DSC2: variants seen among roughly 807,000 people sequenced by gnomAD.
The protein encoded by DSC2 is desmocollin 2.
Under a neutral mutation model 87.6 loss-of-function variants are expected in DSC2, and 51 were observed. The observed-to-expected ratio is 0.58, with a 90% confidence interval of 0.46 to 0.74. The LOEUF (loss-of-function observed/expected upper bound fraction) is 0.74, where lower values mean the gene tolerates loss of function less well. DSC2 is among the 30% of genes least tolerant of loss of function. The probability of loss-of-function intolerance (pLI) is 0.00; values close to 1 mark genes in which losing one functional copy is unlikely to be tolerated. For missense variants in DSC2, 1,066 were observed against 1,089.5 expected, an observed-to-expected ratio of 0.98 and a Z score of 0.30; for synonymous variants, 383 against 393.2, an observed-to-expected ratio of 0.97 and a Z score of 0.31.
intron 9 of DSC2, among the ~76,000 whole-genome samples, chr18:31,081,797 T>C (rs577612513): frequency 1.3e-5 from 2 of 152,286 alleles, no homozygotes; most frequent in South Asian, 4.1e-4. Flanking sequence ...TGAACCTGGA[T>C]GCTAAGGATG....
chr18:31,101,644 C>T (rs963815988), intron 1 of DSC2: 1 of 459,258 alleles, frequency 2.2e-6, no homozygotes, highest in Non-Finnish European at 3.8e-6. Flanking sequence ...GCGAAAGCGG[C>T]CCGCTCCCGC....
Position 31,060,909 on chromosome 18 carries a change from T to C in DSC2, c.*7106A>G, listed in dbSNP as rs1348793059. On this transcript the variant is annotated 3_prime_UTR_variant, in exon 16 of 16. Transcript: ENST00000280904. ...TCAACTCTTTGGTACATTTCTAGCATTTTGCTTAATATGTTTTATATGAAA... is the reference window on the plus strand; with the variant it reads ...TCAACTCTTTGGTACATTTCTAGCACTTTGCTTAATATGTTTTATATGAAA... The C allele has an allele frequency of 1.3e-5, 2 of 152,206 alleles. No individual in the cohort carries two copies. The highest frequency in any genetic ancestry group is 1.9e-4 in the East Asian group (1 of 5,194). The allele number at this position is 152,206 out of a possible 1,614,324, so 9.4% of individuals were successfully genotyped here. A position where few individuals can be genotyped will look rare whatever the true frequency, so the allele number is the denominator to read the frequency against.
At chr18:31,071,905 T>C in intron 12 of DSC2, 64 bp from the exon 13 acceptor site, 2 of 1,371,726 alleles carry the variant, frequency 1.5e-6, no homozygotes, top group Non-Finnish European at 2.1e-6. Flanking sequence ...TGAACATAAA[T>C]AACTCATTAT....
At chr18:31,070,251 C>T (rs1032130725) in intron 14 of DSC2, among the ~76,000 whole-genome samples, 2 of 152,132 alleles carry the variant, frequency 1.3e-5, no homozygotes, top group African/African-American at 4.8e-5. Flanking sequence ...GCTAGCATTG[C>T]TATTTCATAT....
Position 31,068,227 on chromosome 18 carries a change from A to T in DSC2, c.2509-15T>A, listed in dbSNP as rs2144781524. On this transcript the variant is annotated splice_polypyrimidine_tract_variant and intron_variant, in intron 15 of 15. Transcript: ENST00000280904. ...AGATACACTTTCTGCCAAGGGGAAAAACACAACGTTTTTATTATTATTATT... is the reference window on the plus strand; with the variant it reads ...AGATACACTTTCTGCCAAGGGGAAATACACAACGTTTTTATTATTATTATT... 6.2e-7 allele frequency: 1 copy of T among 1,613,940 alleles called. No individual in the cohort carries two copies. Among genetic ancestry groups the T allele is most frequent in the Non-Finnish European group, 8.5e-7 (1 of 1,179,912 alleles).
Position 31,102,038 on chromosome 18 carries a change from G to A in DSC2, c.-67C>T. 2 of 1,319,598 alleles carry A rather than the reference G, an allele frequency of 1.5e-6. No individual in the cohort carries two copies. Among genetic ancestry groups the A allele is most frequent in the South Asian group, 1.7e-5 (1 of 58,354 alleles). The allele number at this position is 1,319,598 out of a possible 1,614,324, so 81.7% of individuals were successfully genotyped here. ...GGGTAGGAGGGCTCCGCGGGGCGAG[G>A]GCCGCGGCCGGAGCGCAGTCTGGGC... On this transcript the variant is annotated 5_prime_UTR_variant, in exon 1 of 16. Coordinates refer to ENST00000280904, the MANE Select transcript of DSC2 (RefSeq NM_024422.6).
chr18:31,093,569 A>C lies in DSC2; in HGVS notation c.144T>G (p.Leu48=), dbSNP rs1598592489. The C allele has an allele frequency of 1.2e-6, 2 of 1,605,334 alleles. No homozygotes were observed. The highest frequency in any genetic ancestry group is 1.7e-6 in the Non-Finnish European group (2 of 1,174,370). The change falls in exon 2 of 16, where the codon CTT becomes CTG. Residue 48 remains leucine, a synonymous_variant. Coordinates refer to ENST00000280904, the MANE Select transcript of DSC2 (RefSeq NM_024422.6). ...TTAGGGCTTCCTTACCTCTACCAAC[A>C]AGTTTCTCGGCATCTAGTTTGGAGG... is the stretch of plus-strand genomic sequence containing the variant. ...HVPSKLDAEK[L]VGRVNLKECF...
chr18:31,094,243 C>T (rs896305899), intron 1 of DSC2, among the ~76,000 whole-genome samples: 8 of 152,068 alleles, frequency 5.3e-5, no homozygotes, highest in African/African-American at 1.7e-4. Context: ...GATATGATAT[C>T]AAATCAATAA....
In DSC2 at chr18:31,102,233, A is replaced by G. The variant is rs937642488; in HGVS notation, c.-262T>C. ...ATCGGCCCCTCCTTGTTGTCTATTT[A>G]AGACTTAAGACTTCATTTCTCTAAG... On this transcript the variant is annotated 5_prime_UTR_variant, in exon 1 of 16. Coordinates refer to ENST00000280904, the MANE Select transcript of DSC2 (RefSeq NM_024422.6). 2.6e-6 allele frequency: 1 copy of G among 389,756 alleles called. No individual in the cohort carries two copies. Among genetic ancestry groups the G allele is most frequent in the Non-Finnish European group, 4.5e-6 (1 of 221,434 alleles). The allele number at this position is 389,756 out of a possible 1,614,324, so 24.1% of individuals were successfully genotyped here. A position where few individuals can be genotyped will look rare whatever the true frequency, so the allele number is the denominator to read the frequency against.
intron 8 of DSC2, 69 bp downstream of exon 8, chr18:31,082,857 C>A: frequency 6.4e-7 from 1 of 1,565,188 alleles, no homozygotes; most frequent in Non-Finnish European, 8.8e-7. Context: ...TGCGCCAGGC[C>A]AGAGATGTGC....
At chr18:31,083,842 A>G (rs1050268461) in intron 7 of DSC2, among the ~76,000 whole-genome samples, 1 of 152,196 alleles carries the variant, frequency 6.6e-6, no homozygotes, top group Non-Finnish European at 1.5e-5. Context: ...TCTCCTTATA[A>G]CTTTCATTTA....
intron 7 of DSC2, 87 bp downstream of exon 7, chr18:31,086,489 A>G (rs915506567): frequency 1.4e-6 from 2 of 1,468,918 alleles, no homozygotes; most frequent in South Asian, 1.1e-5. Context: ...GATTCACAAC[A>G]TACTTTTCAA....
At chr18:31,094,777 G>T (rs1306827577) in intron 1 of DSC2, among the ~76,000 whole-genome samples, 1 of 152,168 alleles carries the variant, frequency 6.6e-6, no homozygotes, top group East Asian at 1.9e-4. Flanking sequence ...GGAATGTTGG[G>T]ATAGACACAA....
At position 31,089,462 on chromosome 18, in the gene DSC2, G is replaced by A. The variant is rs142331975; in HGVS notation, c.607C>T (p.Arg203Cys). Residue 203 changes from arginine (R) to cysteine (C), a missense_variant, in exon 5 of 16, where the codon CGT (arginine) becomes TGT (cysteine). Arg to Cys is a radical substitution (Grantham distance 180). Coordinates refer to ENST00000280904, the MANE Select transcript of DSC2 (RefSeq NM_024422.6). ...GNLYCTRPVD[R>C]EQYESFEIIA... ...ACCTCAAAAGATTCATACTGCTCAC[G>A]ATCTACAGGACGAGTACAATACAAG... 4 of 1,613,732 alleles carry A rather than the reference G, an allele frequency of 2.5e-6. No homozygotes were observed. The highest frequency in any genetic ancestry group is 1.7e-4 in the Middle Eastern group (1 of 6,058).
chr18:31,093,803 ATTAATTTTAAAATAT>A (rs1987682907), intron 1 of DSC2, among the ~76,000 whole-genome samples, 160 bp from the exon 2 acceptor site: 1 of 149,310 alleles, frequency 6.7e-6, no homozygotes, highest in African/African-American at 2.4e-5. Context: ...TACACTAAAT[ATTAATTTTAAAATAT>A]TTAATTAAAT....
rs758710655 is a variant in DSC2, at chr18:31,080,376, A to C, written c.1264-24T>G. ...GGCTACGAAAGCAAATGTATTGAAA[A>C]ATCAGATGAACTCATTTAATATTTG... is the stretch of plus-strand genomic sequence containing the variant. On this transcript the variant is annotated intron_variant, in intron 9 of 15. Transcript: ENST00000280904. The C allele has an allele frequency of 3.7e-6, 6 of 1,612,248 alleles. No homozygotes were observed. The South Asian group carries it at 6.6e-5, about 18-fold the overall frequency.
rs1315688724 is a variant in DSC2, at chr18:31,080,114, C to G, written c.1502G>C (p.Arg501Thr). The change falls in exon 10 of 16, where the codon AGA becomes ACA. Residue 501 changes from arginine to threonine, a missense_variant. Transcript: ENST00000280904. Reference protein sequence around the residue: ...NGYKAYDPETRSSSGIRYKKL... With the variant: ...NGYKAYDPETTSSSGIRYKKL... ...TAAGTACCTTATGCCACTGCTACTTCTTGTTTCTGGGTCATATGCTTTATA... is the reference window on the plus strand; with the variant it reads ...TAAGTACCTTATGCCACTGCTACTTGTTGTTTCTGGGTCATATGCTTTATA... 7 of 1,613,996 alleles carry G rather than the reference C, an allele frequency of 4.3e-6. No individual in the cohort carries two copies. The South Asian group carries it at 7.7e-5, about 18-fold the overall frequency.
At chr18:31,100,092 G>A (rs796338883) in intron 1 of DSC2, among the ~76,000 whole-genome samples, 42 of 152,264 alleles carry the variant, frequency 2.8e-4, no homozygotes, top group African/African-American at 9.6e-4. Flanking sequence ...TCTCACACTT[G>A]AGACTCACAA....
At chr18:31,092,437 A>G (rs1987634413) in intron 2 of DSC2, 137 bp from the exon 3 acceptor site, 3 of 713,146 alleles carry the variant, frequency 4.2e-6, no homozygotes, top group Non-Finnish European at 7.4e-6. Context: ...AAGGACACAT[A>G]AAACTATATG....
Sources: allele counts gnomAD v4.1 joint callset (sites outside exome capture counted in the v4.1 genomes callset), GRCh38; gene constraint gnomAD v4.1.1; transcripts MANE v1.5; gene names NCBI Gene and HGNC (gene_info 2026-07-23, HGNC 2026-07-21).